The following THOP1 variants were observed in gnomAD, a reference collection of about 807,000 sequenced individuals.
THOP1 encodes thimet oligopeptidase.
THOP1 carries 49 observed loss-of-function variants against 71.8 expected under a neutral mutation model. The ratio of observed to expected loss-of-function variants is 0.68; its 90% confidence interval spans 0.54 to 0.87. THOP1 has a LOEUF of 0.87. THOP1 is among the 40% of genes least tolerant of loss of function. The probability of loss-of-function intolerance (pLI) is 0.00; values close to 1 mark genes in which losing one functional copy is unlikely to be tolerated. For missense variants in THOP1, 843 were observed against 975.6 expected, an observed-to-expected ratio of 0.86 and a Z score of 1.81; for synonymous variants, 426 against 421.5, an observed-to-expected ratio of 1.01 and a Z score of -0.13.
chr19:2,802,451 C>T (rs1233871778), intron 5 of THOP1, among the ~76,000 whole-genome samples: 5 of 146,390 alleles, frequency 3.4e-5, no homozygotes, highest in African/African-American at 7.6e-5. Flanking sequence ...CAACACCTCC[C>T]GACACCCCCA....
chr19:2,812,009 C>A, intron 12 of THOP1: 1 of 1,019,610 alleles, frequency 9.8e-7, no homozygotes, highest in Non-Finnish European at 1.4e-6. Context: ...GCCCACAGCT[C>A]CTCCCTGGGC....
At chr19:2,810,056 T>G in intron 9 of THOP1, 2 of 552,250 alleles carry the variant, frequency 3.6e-6, no homozygotes, top group East Asian at 3.1e-5. Flanking sequence ...AGGAGAAGCG[T>G]GGGTGGCCTC....
chr19:2,788,004 TA>T (rs1915790760), intron 1 of THOP1, among the ~76,000 whole-genome samples: 1 of 152,166 alleles, frequency 6.6e-6, no homozygotes, highest in South Asian at 2.1e-4. Context: ...TGGACTCTAT[TA>T]ATACTGTTCT....
chr19:2,789,077 G>A (rs1205030557), intron 1 of THOP1, among the ~76,000 whole-genome samples: 1 of 152,158 alleles, frequency 6.6e-6, no homozygotes, highest in Non-Finnish European at 1.5e-5. Flanking sequence ...GCCTATTTTT[G>A]TACACCCCTG....
At chr19:2,812,645 C>T (rs1416257314) in intron 12 of THOP1, among the ~76,000 whole-genome samples, 3 of 152,200 alleles carry the variant, frequency 2.0e-5, no homozygotes, top group African/African-American at 7.2e-5. Context: ...CGCGCAGGCT[C>T]CTGCGGGGCT....
rs151055831 is a variant in THOP1 at position 2,810,329 on chromosome 19, C to T, written c.1481C>T (p.Thr494Ile). 99 of 1,611,696 alleles carry T rather than the reference C, an allele frequency of 6.1e-5. 1 individual carries two copies. The Admixed American group carries it at 1.2e-3, about 20-fold the overall frequency. ...SQAEFAMFSG[T>I]HVERDFVEAP... ...GCGGAGTTCGCCATGTTCAGCGGGA[C>T]CCACGTGGAGCGGGACTTTGTGGAG... is the stretch of plus-strand genomic sequence containing the variant. The change falls in exon 10 of 13, where the codon ACC becomes ATC. Residue 494 changes from threonine (T) to isoleucine (I), a missense_variant. Physicochemically the swap from Thr to Ile is moderately conservative, Grantham distance 89 (BLOSUM62 -1). Coordinates refer to ENST00000307741, the MANE Select transcript of THOP1 (RefSeq NM_003249.5).
intron 8 of THOP1, 35 bp from the exon 9 acceptor site, chr19:2,808,208 G>T (rs1916360965): frequency 1.3e-6 from 2 of 1,542,844 alleles, no homozygotes; most frequent in Admixed American, 2.0e-5. Context: ...GGTGTCTCTA[G>T]TCCCTGCGGG....
At chr19:2,810,596 C>A in intron 10 of THOP1, 44 bp from the exon 11 acceptor site, 1 of 1,536,824 alleles carries the variant, frequency 6.5e-7, no homozygotes, top group South Asian at 1.2e-5. Context: ...CAGAGTGGGC[C>A]GGGGCAGGTG....
intron 8 of THOP1, 91 bp from the exon 9 acceptor site, chr19:2,808,152 G>C: frequency 7.1e-7 from 1 of 1,417,390 alleles, no homozygotes; most frequent in Non-Finnish European, 9.6e-7. Flanking sequence ...GGCGGTCTGG[G>C]TTAGCAGTCA....
intron 5 of THOP1, among the ~76,000 whole-genome samples, chr19:2,803,677 C>G (rs1372221147): frequency 6.6e-6 from 1 of 152,172 alleles, no homozygotes; most frequent in Non-Finnish European, 1.5e-5. Flanking sequence ...GTGCAGGTCC[C>G]GGGAGGCCTC....
chr19:2,785,970 C>CTGG (rs1415820091), intron 1 of THOP1, among the ~76,000 whole-genome samples: 3 of 152,202 alleles, frequency 2.0e-5, no homozygotes, highest in Non-Finnish European at 2.9e-5. Context: ...TCCCGTTTTC[C>CTGG]TGGAATTCTA....
chr19:2,807,037 G>A lies in THOP1; in HGVS notation c.871G>A (p.Val291Met), dbSNP rs753255077. 17 of 1,610,176 alleles carry A rather than the reference G, an allele frequency of 1.1e-5. 1 individual carries two copies. The highest frequency in any genetic ancestry group is 5.5e-5 in the South Asian group (5 of 90,984). Reference protein sequence around the residue: ...EMNMAKTSQTVATFLDELAQK... With the variant: ...EMNMAKTSQTMATFLDELAQK... The stretch of plus-strand genomic sequence containing the variant: ...GAACATGGCCAAGACCAGCCAGACC[G>A]TGGCCACCTTCCTAGGTAGCCCTTC... Residue 291 changes from valine to methionine, a missense_variant, in exon 7 of 13, where the codon GTG becomes ATG. By Grantham distance (21) the Val-to-Met change is conservative (BLOSUM62 1). Coordinates refer to ENST00000307741, the MANE Select transcript of THOP1 (RefSeq NM_003249.5).
chr19:2,799,706 G>A lies in THOP1; in HGVS notation c.504G>A (p.Lys168=). Residue 168 remains lysine (K), a synonymous_variant, in exon 5 of 13, where the codon AAG becomes AAA. Transcript: ENST00000307741. ...RETQENIKRI[K]KKLSLLCIDF... is the part of the protein sequence containing the mutation. ...CTCTCCAGAACATCAAACGCATCAA[G>A]AAGAAGCTGAGCCTTCTGTGCATCG... The A allele has an allele frequency of 6.2e-7, 1 of 1,613,362 alleles. No homozygotes were observed. Among genetic ancestry groups the A allele is most frequent in the Non-Finnish European group, 8.5e-7 (1 of 1,179,636 alleles).
chr19:2,788,479 G>T (rs1915803168), intron 1 of THOP1, among the ~76,000 whole-genome samples: 1 of 152,148 alleles, frequency 6.6e-6, no homozygotes, highest in Non-Finnish European at 1.5e-5. Context: ...GCAAACTCCA[G>T]CCTGCCTATT....
rs1031908013 is a variant in THOP1 at position 2,785,548 on chromosome 19, G to A, written c.-115G>A. On this transcript the variant is annotated 5_prime_UTR_variant, in exon 1 of 13. Transcript: ENST00000307741. ...GCGGCGGGCCCCTTGGTCCTCAGGC[G>A]GCCGTGGCGGCGGTGGCGGCGGTTG... 5.6e-5 allele frequency: 72 copies of A among 1,277,028 alleles called. No individual in the cohort carries two copies. The highest frequency in any genetic ancestry group is 6.6e-5 in the Non-Finnish European group (64 of 968,180). 79.1% of individuals were successfully genotyped at this position (1,277,028 alleles called of 1,614,324 possible). A position where few individuals can be genotyped will look rare whatever the true frequency, so the allele number is the denominator to read the frequency against.
At chr19:2,791,091 G>T (rs1040775327) in intron 2 of THOP1, among the ~76,000 whole-genome samples, 2 of 152,204 alleles carry the variant, frequency 1.3e-5, no homozygotes, top group African/African-American at 4.8e-5. Flanking sequence ...GGCCCCCTTG[G>T]CTTCTGCCTC....
At position 2,796,106 on chromosome 19, in the gene THOP1, G is replaced by A. The variant is rs1015050854; in HGVS notation, c.404G>A (p.Arg135Lys). ...LQEKVQKDSL[R>K]PEAARYLERL... ...GAGAAAGTTCAGAAGGACTCACTGA[G>A]GCCCGAGGCTGCGCGGTACCTGGAG... Residue 135 changes from arginine (R) to lysine (K), a missense_variant, in exon 4 of 13, where the codon AGG becomes AAG. Transcript: ENST00000307741. 1.5e-5 allele frequency: 24 copies of A among 1,613,852 alleles called. No individual in the cohort carries two copies. Among genetic ancestry groups the A allele is most frequent in the Non-Finnish European group, 1.8e-5 (21 of 1,179,994 alleles).
chr19:2,815,707 G>A lies in THOP1; in HGVS notation c.*2431G>A, dbSNP rs1447028670. ...CAGCAGTGGGCTCAGAGGACAGTGT[G>A]GCATTAGCATCCCCTGCCCGTCCAG... On this transcript the variant is annotated 3_prime_UTR_variant, in exon 13 of 13. Coordinates refer to ENST00000307741, the MANE Select transcript of THOP1 (RefSeq NM_003249.5). 6.6e-6 allele frequency: 1 copy of A among 152,202 alleles called. No homozygotes were observed. The highest frequency in any genetic ancestry group is 2.4e-5 in the African/African-American group (1 of 41,442). 9.4% of individuals were successfully genotyped at this position (152,202 alleles called of 1,614,324 possible). A position where few individuals can be genotyped will look rare whatever the true frequency, so the allele number is the denominator to read the frequency against.
chr19:2,811,553 T>G (rs765734467), intron 11 of THOP1, 45 bp from the exon 12 acceptor site: 1 of 1,578,356 alleles, frequency 6.3e-7, no homozygotes, highest in Admixed American at 1.7e-5. Flanking sequence ...AGGAGGAGCA[T>G]GGGGTGGGGG....
Sources: allele counts gnomAD v4.1 joint callset (sites outside exome capture counted in the v4.1 genomes callset), GRCh38; gene constraint gnomAD v4.1.1; transcripts MANE v1.5; gene names NCBI Gene and HGNC (gene_info 2026-07-23, HGNC 2026-07-21).